COPS6: variants seen among roughly 807,000 people sequenced by gnomAD.
COPS6 encodes the protein COP9 signalosome complex subunit 6.
Under a neutral mutation model 41.0 loss-of-function variants are expected in COPS6, and 9 were observed. The observed-to-expected ratio is 0.22, with a 90% CI of 0.13 to 0.38. The LOEUF is 0.38. COPS6 is among the 10% of genes least tolerant of loss of function. The pLI is 1.00. For missense variants in COPS6, 302 were observed against 436.7 expected (o/e 0.69, Z 2.75); for synonymous variants, 179 against 162.9 (o/e 1.10, Z -0.75).
rs749593970 is a variant in COPS6 at position 100,091,339 on chromosome 7, G to T, written c.742+9G>T. The T allele has an allele frequency of 2.5e-6, 4 of 1,614,022 alleles. No individual in the cohort carries two copies. The highest frequency in any genetic ancestry group is 1.1e-5 in the South Asian group (1 of 91,074). On this transcript the variant is annotated intron_variant, in intron 8 of 9. Coordinates refer to ENST00000303904, the MANE Select transcript of COPS6 (RefSeq NM_006833.5). This position sits in a 1 kb window ranked among gnomAD's most constrained non-coding sequence, Gnocchi z 4.1. ...CAAGGCCTCTGAAGCGGGTAGGACA[G>T]GGGCTTCCCTGGCATTCTTCCTCTC...
At position 100,091,260 on chromosome 7, in the gene COPS6, G is replaced by A; in HGVS notation, c.672G>A (p.Gln224=). 1 of 1,614,208 alleles carries A rather than the reference G, an allele frequency of 6.2e-7. No homozygotes were observed. The highest frequency in any genetic ancestry group is 2.2e-5 in the East Asian group (1 of 44,870). ...CAGTGGCTGAACACCTGATAGCACA[G>A]CACAGCGCCATCAAGATGCTGCACA... is the stretch of plus-strand genomic sequence containing the variant. ...NSTVAEHLIA[Q]HSAIKMLHSR... is the part of the protein sequence containing the mutation. Residue 224 remains glutamine, a synonymous_variant, in exon 8 of 10, where the codon CAG becomes CAA. Coordinates refer to ENST00000303904, the MANE Select transcript of COPS6 (RefSeq NM_006833.5). This position sits in a 1 kb window ranked among gnomAD's most constrained non-coding sequence, Gnocchi z 4.1.
chr7:100,089,475 CT>C lies in COPS6; in HGVS notation c.202+64del, dbSNP rs957277064. Reference sequence around the variant, plus strand: ...TTGCTCACCTCCCCCAGGCAGTGGTCTTTTCCCCTTCCTCTACTGGAGCCAA... The same window carrying C: ...TTGCTCACCTCCCCCAGGCAGTGGTCTTTCCCCTTCCTCTACTGGAGCCAA... On this transcript the variant is annotated intron_variant, in intron 2 of 9. Transcript: ENST00000303904. 1.6e-5 allele frequency: 26 copies of C among 1,609,462 alleles called. No individual in the cohort carries two copies. In the East Asian group the frequency reaches 1.8e-4, roughly 11 times the overall value.
chr7:100,088,992 TGGC>T lies in COPS6; in HGVS notation c.21_23del (p.Ala10?), dbSNP rs571882095. The T allele has an allele frequency of 2.2e-4, 283 of 1,305,952 alleles. No homozygotes were observed. The highest frequency in any genetic ancestry group is 6.2e-4 in the African/African-American group (40 of 64,844). The allele number at this position is 1,305,952 out of a possible 1,614,324, so 80.9% of individuals were successfully genotyped here. On this transcript the variant is annotated start_lost and inframe_deletion, in exon 1 of 10. Coordinates refer to ENST00000303904, the MANE Select transcript of COPS6 (RefSeq NM_006833.5). The stretch of plus-strand genomic sequence containing the variant: ...CCGAGGCTGGCGGGCGCGGGGAAAA[TGGC>T]GGCGGCGGCGGCGGCGGCTGCAGCT...
chr7:100,090,743 C>T (rs1358907338), intron 5 of COPS6, 89 bp downstream of exon 5: 3 of 1,467,002 alleles, frequency 2.0e-6, no homozygotes, highest in Admixed American at 3.4e-5. Context: ...CCAGATGCCA[C>T]TTACCAGCTG....
chr7:100,091,169 C>G lies in COPS6; in HGVS notation c.649+17C>G. ...ACTCCACTGGTAATGGAGGGGATTC[C>G]TTGGAAGTGGGGTTGGAAGGTGTGG... is the stretch of plus-strand genomic sequence containing the variant. On this transcript the variant is annotated intron_variant, in intron 7 of 9. Transcript: ENST00000303904. The surrounding 1 kb of genome is among the most constrained non-coding windows in gnomAD (Gnocchi z 4.1). 6.2e-7 allele frequency: 1 copy of G among 1,613,784 alleles called. No homozygotes were observed. Among genetic ancestry groups the G allele is most frequent in the Non-Finnish European group, 8.5e-7 (1 of 1,179,652 alleles).
chr7:100,091,861 G>A lies in COPS6; in HGVS notation c.*72G>A, dbSNP rs1035162212. ...AAAGGGGAGGGCACTACACTTCCTTGAGAGAAACCGCTGTCATTAATAAAA... is the reference window on the plus strand; with the variant it reads ...AAAGGGGAGGGCACTACACTTCCTTAAGAGAAACCGCTGTCATTAATAAAA... On this transcript the variant is annotated 3_prime_UTR_variant, in exon 10 of 10. Coordinates refer to ENST00000303904, the MANE Select transcript of COPS6 (RefSeq NM_006833.5). The surrounding 1 kb of genome is among the most constrained non-coding windows in gnomAD (Gnocchi z 4.1). 18 of 1,590,080 alleles carry A rather than the reference G, an allele frequency of 1.1e-5. No homozygotes were observed. The African/African-American group carries it at 2.3e-4, about 20-fold the overall frequency.
chr7:100,091,497 A>G lies in COPS6; in HGVS notation c.820A>G (p.Lys274Glu). 6.2e-7 allele frequency: 1 copy of G among 1,614,192 alleles called. No individual in the cohort carries two copies. The highest frequency in any genetic ancestry group is 8.5e-7 in the Non-Finnish European group (1 of 1,180,006). Residue 274 changes from lysine (K) to glutamate (E), a missense_variant, in exon 9 of 10, where the codon AAG becomes GAG. Coordinates refer to ENST00000303904, the MANE Select transcript of COPS6 (RefSeq NM_006833.5). The surrounding 1 kb of genome is among the most constrained non-coding windows in gnomAD (Gnocchi z 4.1). Reference sequence around the variant, plus strand: ...CTGTCTCCCGGTGCTCAGCACAGACAAGTTCAAGACAGATTTTTATGATGT... The same window carrying G: ...CTGTCTCCCGGTGCTCAGCACAGACGAGTTCAAGACAGATTTTTATGATGT... ...CHCLPVLSTD[K>E]FKTDFYDQCN...
At chr7:100,089,805 T>TG in intron 3 of COPS6, 59 bp downstream of exon 3, 2 of 1,541,822 alleles carry the variant, frequency 1.3e-6, no homozygotes, top group Non-Finnish European at 1.8e-6. Context: ...ATGTACAGGG[T>TG]GGGGAAGATG....
chr7:100,090,232 C>T (rs1205674270), intron 3 of COPS6, 167 bp from the exon 4 acceptor site: 16 of 609,208 alleles, frequency 2.6e-5, no homozygotes, highest in Non-Finnish European at 4.3e-5. Context: ...CCTGTAGTCC[C>T]AGCTACGCGG....
At position 100,091,949 on chromosome 7, in the gene COPS6, G is replaced by C. The variant is rs1795334086; in HGVS notation, c.*160G>C. The stretch of plus-strand genomic sequence containing the variant: ...TCCTCTGTTAGGCACCACACTGGTT[G>C]GTCAACTTGGATGTTCATCGAGGCT... On this transcript the variant is annotated 3_prime_UTR_variant, in exon 10 of 10. Coordinates refer to ENST00000303904, the MANE Select transcript of COPS6 (RefSeq NM_006833.5). This position sits in a 1 kb window ranked among gnomAD's most constrained non-coding sequence, Gnocchi z 4.1. The C allele has an allele frequency of 3.5e-6, 3 of 857,986 alleles. No individual in the cohort carries two copies. The highest frequency in any genetic ancestry group is 2.8e-5 in the Admixed American group (1 of 35,620). 53.1% of individuals were successfully genotyped at this position (857,986 alleles called of 1,614,324 possible).
At chr7:100,090,770 AT>A in intron 5 of COPS6, 116 bp downstream of exon 5, 1 of 1,450,202 alleles carries the variant, frequency 6.9e-7, no homozygotes, top group Non-Finnish European at 9.7e-7. Context: ...TGGCTTAGTC[AT>A]TTAATCTCCA....
chr7:100,091,311 C>T lies in COPS6; in HGVS notation c.723C>T (p.Tyr241=). ...LHSRVKLILE[Y]VKASEAGEVP... ...GCCGCGTCAAGCTCATCTTGGAGTA[C>T]GTCAAGGCCTCTGAAGCGGGTAGGA... The change falls in exon 8 of 10, where the codon TAC becomes TAT. Residue 241 remains tyrosine (Y), a synonymous_variant. Transcript: ENST00000303904. This position sits in a 1 kb window ranked among gnomAD's most constrained non-coding sequence, Gnocchi z 4.1. 3 of 1,614,186 alleles carry T rather than the reference C, an allele frequency of 1.9e-6. No individual in the cohort carries two copies. The highest frequency in any genetic ancestry group is 1.3e-5 in the African/African-American group (1 of 75,026).
rs1420307263 is a variant in COPS6 at position 100,090,606 on chromosome 7, C to T, written c.438C>T (p.Ile146=). Residue 146 remains isoleucine, a synonymous_variant, in exon 5 of 10, where the codon ATC becomes ATT. Coordinates refer to ENST00000303904, the MANE Select transcript of COPS6 (RefSeq NM_006833.5). ...CTCTCTTCCAGGTGTGTGAGATCATCGAGAGCCCCCTCTTTCTGAAGTTGA... is the reference window on the plus strand; with the variant it reads ...CTCTCTTCCAGGTGTGTGAGATCATTGAGAGCCCCCTCTTTCTGAAGTTGA... ...IHVHKQVCEI[I]ESPLFLKLNP... 2.5e-5 allele frequency: 40 copies of T among 1,613,990 alleles called. No homozygotes were observed. The highest frequency in any genetic ancestry group is 2.9e-5 in the Non-Finnish European group (34 of 1,179,980).
chr7:100,089,536 A>G, intron 2 of COPS6, 79 bp from the exon 3 acceptor site: 3 of 1,600,976 alleles, frequency 1.9e-6, no homozygotes, highest in Non-Finnish European at 2.6e-6. Flanking sequence ...TCCCCAATAC[A>G]TGGTTCCCAC....
chr7:100,091,999 T>C lies in COPS6; in HGVS notation c.*210T>C. 1 of 603,400 alleles carries C rather than the reference T, an allele frequency of 1.7e-6. No homozygotes were observed. The highest frequency in any genetic ancestry group is 2.9e-6 in the Non-Finnish European group (1 of 346,540). The allele number at this position is 603,400 out of a possible 1,614,324, so 37.4% of individuals were successfully genotyped here. ...TCATTCTGGCCTTGCTCAGAAGCCCTTCTGATGCTCTTCAGTGAGGGAGGC... is the reference window on the plus strand; with the variant it reads ...TCATTCTGGCCTTGCTCAGAAGCCCCTCTGATGCTCTTCAGTGAGGGAGGC... On this transcript the variant is annotated 3_prime_UTR_variant, in exon 10 of 10. Transcript: ENST00000303904. The surrounding 1 kb of genome is among the most constrained non-coding windows in gnomAD (Gnocchi z 4.1).
rs576238819 is a variant in COPS6, at chr7:100,091,925, CCT to C, written c.*139_*140del. On this transcript the variant is annotated 3_prime_UTR_variant, in exon 10 of 10. Transcript: ENST00000303904. The surrounding 1 kb of genome is among the most constrained non-coding windows in gnomAD (Gnocchi z 4.1). The stretch of plus-strand genomic sequence containing the variant: ...TGAGCACCCCTGCTGGTGGCTCTGT[CCT>C]CTGTTAGGCACCACACTGGTTGGTC... The C allele has an allele frequency of 9.5e-5, 106 of 1,115,658 alleles. No individual in the cohort carries two copies. In the African/African-American group the frequency reaches 1.2e-3, roughly 12 times the overall value. 69.1% of individuals were successfully genotyped at this position (1,115,658 alleles called of 1,614,324 possible).
rs1795326409 is a variant in COPS6 at position 100,091,749 on chromosome 7, G to A, written c.944G>A (p.Arg315Gln). ...FVNKFNVLYD[R>Q]QGIGRRMRGL... ...AACAAGTTCAATGTCCTCTACGACC[G>A]ACAAGGCATCGGCAGGAGAATGCGC... is the stretch of plus-strand genomic sequence containing the variant. The change falls in exon 10 of 10, where the codon CGA (arginine) becomes CAA (glutamine). Residue 315 changes from arginine to glutamine, a missense_variant. Coordinates refer to ENST00000303904, the MANE Select transcript of COPS6 (RefSeq NM_006833.5). The surrounding 1 kb of genome is among the most constrained non-coding windows in gnomAD (Gnocchi z 4.1). 5.0e-6 allele frequency: 8 copies of A among 1,614,190 alleles called. No homozygotes were observed. The highest frequency in any genetic ancestry group is 6.8e-6 in the Non-Finnish European group (8 of 1,180,056).
In COPS6 at chr7:100,091,068, A is replaced by G; in HGVS notation, c.565A>G (p.Thr189Ala). ...ATMLFAELTYTLATEEAERIG... is the reference protein window; with the variant it reads ...ATMLFAELTYALATEEAERIG... ...AATGCTGTTTGCTGAGCTGACCTAC[A>G]CTCTGGCCACAGAGGAAGCGGAACG... is the stretch of plus-strand genomic sequence containing the variant. The change falls in exon 7 of 10, where the codon ACT becomes GCT. Residue 189 changes from threonine to alanine, a missense_variant. Physicochemically the swap from Thr to Ala is moderately conservative, Grantham distance 58. This residue lies in a region of COPS6 where 222 missense variants were observed against 309.0 expected (regional missense o/e 0.72). Coordinates refer to ENST00000303904, the MANE Select transcript of COPS6 (RefSeq NM_006833.5). This position sits in a 1 kb window ranked among gnomAD's most constrained non-coding sequence, Gnocchi z 4.1. 1 of 1,614,112 alleles carries G rather than the reference A, an allele frequency of 6.2e-7. No homozygotes were observed. The highest frequency in any genetic ancestry group is 8.5e-7 in the Non-Finnish European group (1 of 1,180,022).
rs767862494 is a variant in COPS6 at position 100,089,277 on chromosome 7, C to T, written c.77-13C>T. The T allele has an allele frequency of 2.5e-6, 4 of 1,611,820 alleles. No individual in the cohort carries two copies. Among genetic ancestry groups the T allele is most frequent in the African/African-American group, 1.3e-5 (1 of 74,840 alleles). ...CCGGACTCTCACCCTCTCTCCTTTC[C>T]CTCCACCCTTAGTAGTCCCCAGCGT... On this transcript the variant is annotated splice_polypyrimidine_tract_variant and intron_variant, in intron 1 of 9. Coordinates refer to ENST00000303904, the MANE Select transcript of COPS6 (RefSeq NM_006833.5).
Sources: gnomAD v4.1 joint callset for allele counts on GRCh38, gnomAD v4.1.1 for gene constraint, gnomAD v4.1.1 regional missense constraint, Gnocchi (gnomAD v3.1) non-coding constraint, MANE v1.5 for transcripts, NCBI Gene and HGNC (gene_info 2026-07-23, HGNC 2026-07-21) for gene names.